EPG5: variants seen among roughly 807,000 people sequenced by gnomAD.
The protein encoded by EPG5 is ectopic P granules protein 5 homolog.
In EPG5, 159 loss-of-function variants were observed where a neutral mutation model predicts 302.7. The ratio of observed to expected loss-of-function variants is 0.53; its 90% CI spans 0.46 to 0.60. The LOEUF (loss-of-function observed/expected upper bound fraction) is 0.60, where lower values mean the gene tolerates loss of function less well. Among genes scored for constraint, EPG5 ranks in the 20% least tolerant of loss-of-function variants. EPG5 has a pLI of 0.00. For synonymous variants in EPG5, 1,158 were observed against 1,136.8 expected (o/e 1.02, Z -0.37); for missense variants, 2,896 against 3,092.4 (o/e 0.94, Z 1.51).
intron 20 of EPG5, 103 bp downstream of exon 20, chr18:45,915,408 C>T (rs1316265371): frequency 1.2e-6 from 1 of 820,560 alleles, no homozygotes; most frequent in African/African-American, 1.7e-5. Context: ...AGAATAAGTG[C>T]TAAATAAAAG....
rs2048500326 is a variant in EPG5, at chr18:45,855,623, T to C, written c.7507A>G (p.Ile2503Val). 6.2e-7 allele frequency: 1 copy of C among 1,614,158 alleles called. No homozygotes were observed. Among genetic ancestry groups the C allele is most frequent in the Non-Finnish European group, 8.5e-7 (1 of 1,180,030 alleles). ...LSVQVPMEDQ[I>V]RLRPGSELHL... is the part of the protein sequence containing the mutation. The stretch of plus-strand genomic sequence containing the variant: ...AATTCAGAGCCAGGCCTCAAACGGA[T>C]CTGATCTTCCATAGGAACCTGAACT... Residue 2503 changes from isoleucine (I) to valine (V), a missense_variant, in exon 43 of 44, where the codon ATC becomes GTC. Ile to Val is a conservative substitution (Grantham distance 29). Transcript: ENST00000282041.
At chr18:45,870,875 G>A in intron 35 of EPG5, 133 bp from the exon 36 acceptor site, 1 of 696,004 alleles carries the variant, frequency 1.4e-6, no homozygotes, top group Non-Finnish European at 2.3e-6. Flanking sequence ...TTTTCATGTA[G>A]GGAGAGTGGT....
At chr18:45,927,593 T>TGCAC (rs1555676804) in intron 13 of EPG5, among the ~76,000 whole-genome samples, 1 of 133,426 alleles carries the variant, frequency 7.5e-6, no homozygotes, top group Non-Finnish European at 1.6e-5. Flanking sequence ...CAAAAAGTTA[T>TGCAC]ACACACACAC....
Position 45,967,213 on chromosome 18 carries a change from G to T in EPG5, c.27C>A (p.Arg9=). 6.2e-7 allele frequency: 1 copy of T among 1,605,872 alleles called. No individual in the cohort carries two copies. The highest frequency in any genetic ancestry group is 1.3e-5 in the African/African-American group (1 of 74,846). The change falls in exon 1 of 44, where the codon CGC becomes CGA. Residue 9 remains arginine (R), a synonymous_variant. Coordinates refer to ENST00000282041, the MANE Select transcript of EPG5 (RefSeq NM_020964.3). ...TCCGGCTGGCCTTGGCCTTGGCCCG[G>T]CGCTGGGGCTTCACCGCCTCGGCCA... MAEAVKPQ[R]RAKAKASRTK... is the part of the protein sequence containing the mutation.
downstream of EPG5, among the ~76,000 whole-genome samples, chr18:45,844,697 T>C (rs1237867666): frequency 4.6e-5 from 7 of 152,160 alleles, no homozygotes; most frequent in Admixed American, 2.6e-4. Context: ...GGGCAAGAGG[T>C]GGCTCCTAAT....
At chr18:45,921,322 T>C (rs1333256802) in intron 16 of EPG5, among the ~76,000 whole-genome samples, 1 of 152,136 alleles carries the variant, frequency 6.6e-6, no homozygotes, top group East Asian at 1.9e-4. Context: ...TTACAGTGAG[T>C]CTAAAACATA....
chr18:45,934,488 A>G (rs2050472607), intron 11 of EPG5, among the ~76,000 whole-genome samples: 1 of 152,236 alleles, frequency 6.6e-6, no homozygotes, highest in Admixed American at 6.5e-5. Context: ...ACAAATTTCT[A>G]GACAATTAAT....
chr18:45,842,689 G>T (rs546656), downstream of EPG5: 8,067 of 158,166 alleles, frequency 0.051, 360 homozygotes, highest in African/African-American at 0.12. Context: ...TTCCCTCCTG[G>T]CTGGGAGGAC....
In EPG5 at chr18:45,925,845, C is replaced by A; in HGVS notation, c.2611G>T (p.Glu871Ter). ...PLYLWQPSAS[E>*]IAVIRDWLLN... ...AACCAATCCCGAATCACCGCTATCT[C>A]AGATGCAGAAGGTTGCCAAAGATAC... The change falls in exon 14 of 44, where the codon GAG (glutamate) becomes TAG (stop). Residue 871 changes from glutamate to a stop codon, truncating the protein, a stop_gained. Coordinates refer to ENST00000282041, the MANE Select transcript of EPG5 (RefSeq NM_020964.3). LOFTEE classifies it high-confidence loss of function. 1 of 1,576,090 alleles carries A rather than the reference C, an allele frequency of 6.3e-7. No individual in the cohort carries two copies. Among genetic ancestry groups the A allele is most frequent in the Non-Finnish European group, 8.6e-7 (1 of 1,163,932 alleles).
chr18:45,927,750 T>C (rs2050308174), intron 13 of EPG5, among the ~76,000 whole-genome samples: 1 of 152,090 alleles, frequency 6.6e-6, no homozygotes, highest in Non-Finnish European at 1.5e-5. Flanking sequence ...AAAGACCATA[T>C]ATTACATAGT....
the EPG5 span, among the ~76,000 whole-genome samples, chr18:45,805,320 G>A: frequency 6.6e-6 from 1 of 151,436 alleles, no homozygotes; most frequent in Admixed American, 6.6e-5. Context: ...AATGTAAGAT[G>A]TTAACTTCAG....
intron 27 of EPG5, among the ~76,000 whole-genome samples, chr18:45,897,679 T>A (rs752172347): frequency 6.6e-6 from 1 of 152,230 alleles, no homozygotes; most frequent in Non-Finnish European, 1.5e-5. Flanking sequence ...TAAGTTGGAC[T>A]CATCCTAACT....
intron 3 of EPG5, 112 bp from the exon 4 acceptor site, chr18:45,951,350 A>T (rs1490943719): frequency 7.3e-6 from 5 of 686,986 alleles, no homozygotes; most frequent in Non-Finnish European, 1.0e-5. Context: ...TTTAGTGCAG[A>T]TAAAAGGAGA....
In EPG5 at chr18:45,887,894, C is replaced by A. The variant is rs756852013; in HGVS notation, c.4966G>T (p.Ala1656Ser). ...AENLITALVN[A>S]YKLQPTPGIQ... ...CCAGGTGTAGGCTGCAACTTGTAGG[C>A]ATTCACTAAGGCCCTGTGGGAAAAT... Residue 1656 changes from alanine to serine, a missense_variant, in exon 29 of 44, where the codon GCC becomes TCC. Around this residue, in one of 5 missense-constraint regions of EPG5, gnomAD observed 790 missense variants for 798.0 expected, o/e 0.99. Transcript: ENST00000282041. 8.2e-6 allele frequency: 13 copies of A among 1,577,724 alleles called. No homozygotes were observed. Among genetic ancestry groups the A allele is most frequent in the Admixed American group, 1.7e-5 (1 of 58,862 alleles).
At chr18:45,878,545 G>T in intron 33 of EPG5, 97 bp from the exon 34 acceptor site, 1 of 760,604 alleles carries the variant, frequency 1.3e-6, no homozygotes, top group Non-Finnish European at 2.2e-6. Context: ...ATTATCTGTA[G>T]CTTCATAAAC....
At chr18:45,888,844 A>G (rs558936060) in intron 28 of EPG5, among the ~76,000 whole-genome samples, 1 of 152,278 alleles carries the variant, frequency 6.6e-6, no homozygotes, top group South Asian at 2.1e-4. Context: ...CATATTTTGC[A>G]TGTAATTCAT....
chr18:45,929,116 C>A, intron 12 of EPG5, 107 bp from the exon 13 acceptor site: 5 of 1,109,330 alleles, frequency 4.5e-6, no homozygotes, highest in East Asian at 2.6e-5. Flanking sequence ...TTACATTGAG[C>A]CTTAATTGAC....
intron 1 of EPG5, among the ~76,000 whole-genome samples, chr18:45,963,690 T>C (rs1378229219): frequency 1.3e-5 from 2 of 152,066 alleles, no homozygotes; most frequent in Non-Finnish European, 2.9e-5. Flanking sequence ...GAACTGAGGC[T>C]GAGGAGGAAG....
intron 22 of EPG5, among the ~76,000 whole-genome samples, chr18:45,911,527 C>G (rs2049901540): frequency 1.3e-5 from 2 of 152,094 alleles, no homozygotes; most frequent in Admixed American, 1.3e-4. Flanking sequence ...CTCCTGATCT[C>G]ATGATCCACC....
Sources: allele counts gnomAD v4.1 joint callset (sites outside exome capture counted in the v4.1 genomes callset), GRCh38; gene constraint gnomAD v4.1.1; regional missense constraint gnomAD v4.1.1; transcripts MANE v1.5; gene names NCBI Gene and HGNC (gene_info 2026-07-23, HGNC 2026-07-21).